Variants in SLC7A10 observed in about 807,000 individuals in gnomAD.
SLC7A10 encodes solute carrier family 7 member 10.
A neutral mutation model predicts 52.7 loss-of-function variants in SLC7A10; 30 were observed. The observed-to-expected ratio is 0.57, with a 90% CI of 0.43 to 0.77. The LOEUF (loss-of-function observed/expected upper bound fraction) is 0.77, where lower values mean the gene tolerates loss of function less well. SLC7A10 is among the 30% of genes least tolerant of loss of function. The probability of loss-of-function intolerance (pLI) is 0.00; values close to 1 mark genes in which losing one functional copy is unlikely to be tolerated. For synonymous variants in SLC7A10, 318 were observed against 314.9 expected (o/e 1.01, Z -0.10); for missense variants, 581 against 698.5 (o/e 0.83, Z 1.90).
Position 33,208,836 on chromosome 19 carries a change from C to G in SLC7A10, c.*55G>C. 6.2e-7 allele frequency: 1 copy of G among 1,611,968 alleles called. No individual in the cohort carries two copies. Among genetic ancestry groups the G allele is most frequent in the Non-Finnish European group, 8.5e-7 (1 of 1,179,022 alleles). On this transcript the variant is annotated 3_prime_UTR_variant, in exon 11 of 11. Transcript: ENST00000253188. The surrounding 1 kb of genome is among the most constrained non-coding windows in gnomAD (Gnocchi z 4.7). ...AAACAAAACTTTTTTGCCAAAACACCTCCTCAATAAACAACATGTAAACAG... is the reference window on the plus strand; with the variant it reads ...AAACAAAACTTTTTTGCCAAAACACGTCCTCAATAAACAACATGTAAACAG...
intron 1 of SLC7A10, among the ~76,000 whole-genome samples, chr19:33,216,365 A>G (rs1035612613): frequency 6.6e-6 from 1 of 152,164 alleles, no homozygotes; most frequent in African/African-American, 2.4e-5. Context: ...GCCCATGCTC[A>G]GCCCTCCCGT....
rs139463103 is a variant in SLC7A10, at chr19:33,210,436, C to T, written c.1263+31G>A. The T allele has an allele frequency of 8.6e-4, 1,340 of 1,555,598 alleles. 16 individuals are homozygous for T. The African/African-American group carries it at 0.016, about 18-fold the overall frequency. On this transcript the variant is annotated intron_variant, in intron 9 of 10. Transcript: ENST00000253188. The surrounding 1 kb of genome is among the most constrained non-coding windows in gnomAD (Gnocchi z 5.6). Reference sequence around the variant, plus strand: ...ATGCAGGGGTGGCTCTGGCAGCACCCGGCACAGGGCCAGCTGTCCCAGGGC... The same window carrying T: ...ATGCAGGGGTGGCTCTGGCAGCACCTGGCACAGGGCCAGCTGTCCCAGGGC...
In SLC7A10 at chr19:33,210,943, C is replaced by G. The variant is rs749815443; in HGVS notation, c.1017-45G>C. ...TGGGCACTGGCCACATCCTGGGTCT[C>G]AGCTTTGGACCTGATGTCCCTCTTA... On this transcript the variant is annotated intron_variant, in intron 7 of 10. Coordinates refer to ENST00000253188, the MANE Select transcript of SLC7A10 (RefSeq NM_019849.3). This position sits in a 1 kb window ranked among gnomAD's most constrained non-coding sequence, Gnocchi z 5.6. 3 of 1,575,282 alleles carry G rather than the reference C, an allele frequency of 1.9e-6. No homozygotes were observed. The highest frequency in any genetic ancestry group is 2.7e-5 in the African/African-American group (2 of 74,130).
At chr19:33,211,814 A>C (rs1419628821) in intron 5 of SLC7A10, 12 of 539,510 alleles carry the variant, frequency 2.2e-5, no homozygotes, top group Non-Finnish European at 3.3e-5. Flanking sequence ...ATAAAATCGC[A>C]TACAGCCAAA....
intron 1 of SLC7A10, chr19:33,220,785 C>G (rs1974796444): frequency 6.6e-6 from 1 of 152,266 alleles, no homozygotes; most frequent in Non-Finnish European, 1.5e-5. Flanking sequence ...TCTCGATCTT[C>G]CCTGATGAAT....
At chr19:33,223,852 G>T (rs192221063) in intron 1 of SLC7A10, among the ~76,000 whole-genome samples, 1 of 152,170 alleles carries the variant, frequency 6.6e-6, no homozygotes, top group Non-Finnish European at 1.5e-5. Context: ...GGCAGACCTG[G>T]GCTGCATGGG....
chr19:33,221,846 C>T (rs1017988351), intron 1 of SLC7A10, among the ~76,000 whole-genome samples: 1 of 152,200 alleles, frequency 6.6e-6, no homozygotes, highest in Non-Finnish European at 1.5e-5. Context: ...GGGACTCCCA[C>T]TTTGGAGGAT....
chr19:33,209,500 G>A lies in SLC7A10; in HGVS notation c.1264-15C>T. On this transcript the variant is annotated splice_polypyrimidine_tract_variant and intron_variant, in intron 9 of 10. Coordinates refer to ENST00000253188, the MANE Select transcript of SLC7A10 (RefSeq NM_019849.3). ...AGAAGGTTCACCTGGGGAAGGGGGA[G>A]CAGAAACACCGATGGTGCAGGGCCT... 2 of 1,613,404 alleles carry A rather than the reference G, an allele frequency of 1.2e-6. No individual in the cohort carries two copies. The highest frequency in any genetic ancestry group is 1.7e-6 in the Non-Finnish European group (2 of 1,179,886).
rs748930071 is a variant in SLC7A10, at chr19:33,210,419, G to A, written c.1263+48C>T. The A allele has an allele frequency of 4.4e-5, 68 of 1,542,450 alleles. No individual in the cohort carries two copies. The highest frequency in any genetic ancestry group is 5.6e-5 in the Non-Finnish European group (64 of 1,150,030). On this transcript the variant is annotated intron_variant, in intron 9 of 10. Transcript: ENST00000253188. This position sits in a 1 kb window ranked among gnomAD's most constrained non-coding sequence, Gnocchi z 5.6. The stretch of plus-strand genomic sequence containing the variant: ...CCTGGTGCCCACTGTGGATGCAGGG[G>A]TGGCTCTGGCAGCACCCGGCACAGG...
chr19:33,216,041 G>C (rs1974675463), intron 1 of SLC7A10, 68 bp from the exon 2 acceptor site: 12 of 1,384,200 alleles, frequency 8.7e-6, no homozygotes, highest in Non-Finnish European at 1.2e-5. Flanking sequence ...TCTGTGTGGG[G>C]ATCTGCCTGC....
Position 33,224,565 on chromosome 19 carries a change from C to T in SLC7A10, c.151+988G>A, listed in dbSNP as rs945591554. 2.6e-5 allele frequency among the ~76,000 whole-genome samples: 4 copies of T among 152,252 alleles called. No homozygotes were observed. The East Asian group carries it at 7.7e-4, about 29-fold the overall frequency. On this transcript the variant is annotated intron_variant, in intron 1 of 10. Coordinates refer to ENST00000253188, the MANE Select transcript of SLC7A10 (RefSeq NM_019849.3). ...TGAGGGTGGGAAGGCAGTGAAGACA[C>T]AAGTGGCTCTCACTGGCAGGGGACC...
chr19:33,216,347 C>A (rs1974683540), intron 1 of SLC7A10, among the ~76,000 whole-genome samples: 1 of 152,298 alleles, frequency 6.6e-6, no homozygotes, highest in Middle Eastern at 3.4e-3. Context: ...CCTCAGGCAC[C>A]CCACAAGGCC....
At chr19:33,221,801 A>C (rs1000269834) in intron 1 of SLC7A10, among the ~76,000 whole-genome samples, 1 of 152,158 alleles carries the variant, frequency 6.6e-6, no homozygotes, top group African/African-American at 2.4e-5. Context: ...AGTCAAAGAG[A>C]GAGCAGAGGA....
chr19:33,215,675 A>C, intron 2 of SLC7A10, 94 bp downstream of exon 2: 1 of 1,227,896 alleles, frequency 8.1e-7, no homozygotes, highest in East Asian at 3.5e-5. Context: ...CTCCCTAGGA[A>C]GCCGGAAGCA....
At chr19:33,211,150 G>T in intron 7 of SLC7A10, 75 bp downstream of exon 7, 1 of 1,424,194 alleles carries the variant, frequency 7.0e-7, no homozygotes, top group Non-Finnish European at 9.9e-7. Context: ...CCCTTCCTCT[G>T]GCCCACGGCA....
In SLC7A10 at chr19:33,212,442, T is replaced by C; in HGVS notation, c.638A>G (p.His213Arg). ...ATTGCTGGGCCTCAGCTCCTCGAAG[T>C]GTCCTGGAGGCCCAGAAGTCGGGGG... ...GVGLLQIFQG[H>R]FEELRPSNAF... Residue 213 changes from histidine to arginine, a missense_variant, in exon 5 of 11, where the codon CAC becomes CGC. By Grantham distance (29) the His-to-Arg change is conservative. Transcript: ENST00000253188. 6.2e-7 allele frequency: 1 copy of C among 1,613,902 alleles called. No individual in the cohort carries two copies. The highest frequency in any genetic ancestry group is 8.5e-7 in the Non-Finnish European group (1 of 1,180,042).
intron 2 of SLC7A10, among the ~76,000 whole-genome samples, chr19:33,213,876 T>C (rs1278372407): frequency 2.0e-5 from 3 of 152,168 alleles, no homozygotes; most frequent in Non-Finnish European, 2.9e-5. Flanking sequence ...TCTCAGGGGC[T>C]TTCCTGCACC....
chr19:33,217,009 G>A (rs1334295432), intron 1 of SLC7A10, among the ~76,000 whole-genome samples: 1 of 152,064 alleles, frequency 6.6e-6, no homozygotes, highest in African/African-American at 2.4e-5. Flanking sequence ...CTAGTAGCTG[G>A]GACTCCAGGT....
At position 33,212,954 on chromosome 19, in the gene SLC7A10, A is replaced by G. The variant is rs777289488; in HGVS notation, c.405T>C (p.Leu135=). The G allele has an allele frequency of 2.5e-6, 4 of 1,614,040 alleles. No homozygotes were observed. The South Asian group carries it at 3.3e-5, about 13-fold the overall frequency. Reference sequence around the variant, plus strand: ...TGGAGAAGGTCATGGAGATGACAGCAAGGCTGGTGGGGTACATGATGAGGA... The same window carrying G: ...TGGAGAAGGTCATGGAGATGACAGCGAGGCTGGTGGGGTACATGATGAGGA... ...SAVLIMYPTS[L]AVISMTFSNY... is the part of the protein sequence containing the mutation. Residue 135 remains leucine, a synonymous_variant, in exon 3 of 11, where the codon CTT becomes CTC. Transcript: ENST00000253188.
Sources: allele counts gnomAD v4.1 joint callset (sites outside exome capture counted in the v4.1 genomes callset), GRCh38; gene constraint gnomAD v4.1.1; non-coding constraint Gnocchi (gnomAD v3.1); transcripts MANE v1.5; gene names NCBI Gene and HGNC (gene_info 2026-07-23, HGNC 2026-07-21).